YBX3: variants seen among roughly 807,000 people sequenced by gnomAD.
The protein encoded by YBX3 is Y-box binding protein 3, also known as Y-box-binding protein 3.
In YBX3, 29 loss-of-function variants were observed where a neutral mutation model predicts 42.4. That is an observed-to-expected ratio of 0.68 (90% CI 0.51 to 0.93). The LOEUF (loss-of-function observed/expected upper bound fraction) is 0.93. Ranked by LOEUF, YBX3 falls within the 40% of genes least tolerant of loss-of-function variation. The pLI is 0.00. For missense variants in YBX3, 517 were observed against 527.5 expected (o/e 0.98, Z 0.19); for synonymous variants, 195 against 189.8 (o/e 1.03, Z -0.22).
rs746227231 is a variant in YBX3, at chr12:10,719,115, C to A, written c.291G>T (p.Trp97Cys). The change falls in exon 2 of 10, where the codon TGG (tryptophan) becomes TGT (cysteine). Residue 97 changes from tryptophan (W) to cysteine (C), a missense_variant. Around this residue, in one of 3 missense-constraint regions of YBX3, gnomAD observed 420 missense variants for 408.5 expected, o/e 1.03. Coordinates refer to ENST00000228251, the MANE Select transcript of YBX3 (RefSeq NM_003651.5). ...LATKVLGTVK[W>C]FNVRNGYGFI... is the part of the protein sequence containing the mutation. ...ATCCATATCCATTTCTGACGTTGAACCATTTGACAGTGCCAAGGACTTTGG... is the reference window on the plus strand; with the variant it reads ...ATCCATATCCATTTCTGACGTTGAAACATTTGACAGTGCCAAGGACTTTGG... 6.2e-7 allele frequency: 1 copy of A among 1,613,594 alleles called. No individual in the cohort carries two copies. The highest frequency in any genetic ancestry group is 8.5e-7 in the Non-Finnish European group (1 of 1,179,758).
chr12:10,710,502 C>CA (rs1948188525), intron 5 of YBX3: 4 of 1,185,782 alleles, frequency 3.4e-6, no homozygotes, highest in East Asian at 1.2e-4. Context: ...AGGGAAAAGC[C>CA]AAAAAAGAAT....
chr12:10,707,360 T>G (rs558919598), intron 6 of YBX3, among the ~76,000 whole-genome samples: 8 of 152,184 alleles, frequency 5.3e-5, no homozygotes, highest in Non-Finnish European at 1.2e-4. Context: ...TCTTCAGTAT[T>G]CCCGTATTTG....
At chr12:10,719,030 C>T (rs372618236) in intron 2 of YBX3, 50 bp downstream of exon 2, 1 of 1,557,830 alleles carries the variant, frequency 6.4e-7, no homozygotes, top group South Asian at 1.1e-5. Flanking sequence ...ACTCCTGGTG[C>T]CACAATGTAA....
Position 10,723,067 on chromosome 12 carries a change from G to T in YBX3, c.45C>A (p.Leu15=). 8.3e-7 allele frequency: 1 copy of T among 1,209,246 alleles called. No individual in the cohort carries two copies. 74.9% of individuals were successfully genotyped at this position (1,209,246 alleles called of 1,614,324 possible). ...CGGCCGCCTCCGTCGGAGCCTGCGG[G>T]AGGGTGGTGGTGGTGGTGGTGGTGG... ...GEATTTTTTT[L]PQAPTEAAAA... The change falls in exon 1 of 10, where the codon CTC becomes CTA. Residue 15 remains leucine, a synonymous_variant. Transcript: ENST00000228251.
chr12:10,711,035 TTA>T (rs1948194366), intron 5 of YBX3: 1 of 153,142 alleles, frequency 6.5e-6, no homozygotes, highest in South Asian at 2.1e-4. Flanking sequence ...ATGACTCCCT[TTA>T]TATGTTTAGG....
intron 5 of YBX3, chr12:10,711,999 A>C (rs558121328): frequency 6.6e-6 from 1 of 152,222 alleles, no homozygotes; most frequent in Non-Finnish European, 1.5e-5. Flanking sequence ...CTCATAGCTT[A>C]TTAAAAACCA....
intron 6 of YBX3, 26 bp from the exon 7 acceptor site, chr12:10,704,174 T>C: frequency 6.3e-7 from 1 of 1,595,228 alleles, no homozygotes; most frequent in South Asian, 1.1e-5. Context: ...GAGCTGACAG[T>C]GAGTGTCACA....
intron 3 of YBX3, among the ~76,000 whole-genome samples, chr12:10,717,063 A>G (rs184258852): frequency 6.6e-6 from 1 of 152,314 alleles, no homozygotes; most frequent in East Asian, 1.9e-4. Flanking sequence ...CACTATTATG[A>G]CCCTAAAAGT....
intron 7 of YBX3, chr12:10,702,971 G>A (rs557786924): frequency 1.3e-5 from 2 of 152,154 alleles, no homozygotes; most frequent in Non-Finnish European, 2.9e-5. Context: ...GCTTTTATAG[G>A]TTAAAAAAGG....
In YBX3 at chr12:10,723,252, G is replaced by GGGGTCGCGCGGCGGAGGC. The variant is rs1447674085; in HGVS notation, c.-159_-142dup. ...CGGCGCAGGCGGCGGCGGCCGAGGT[G>GGGGTCGCGCGGCGGAGGC]GGGTCGCGCGGCGGAGGCGGCTCGA... is the stretch of plus-strand genomic sequence containing the variant. On this transcript the variant is annotated 5_prime_UTR_variant, in exon 1 of 10. Coordinates refer to ENST00000228251, the MANE Select transcript of YBX3 (RefSeq NM_003651.5). 1 of 1,158,006 alleles carries GGGGTCGCGCGGCGGAGGC rather than the reference G, an allele frequency of 8.6e-7. No homozygotes were observed. The highest frequency in any genetic ancestry group is 1.1e-6 in the Non-Finnish European group (1 of 937,988). 71.7% of individuals were successfully genotyped at this position (1,158,006 alleles called of 1,614,324 possible).
intron 4 of YBX3, among the ~76,000 whole-genome samples, chr12:10,714,775 TA>T (rs200402412): frequency 1.7e-4 from 25 of 150,610 alleles, no homozygotes; most frequent in Admixed American, 3.3e-4. Context: ...TTTTTTTTTT[TA>T]AAAAACGGAA....
chr12:10,716,872 C>T (rs1948268902), intron 3 of YBX3, among the ~76,000 whole-genome samples: 1 of 152,116 alleles, frequency 6.6e-6, no homozygotes, highest in Non-Finnish European at 1.5e-5. Flanking sequence ...ACTGGGCAAG[C>T]CTCAACACAT....
chr12:10,704,277 C>T, intron 6 of YBX3, 129 bp from the exon 7 acceptor site: 1 of 636,282 alleles, frequency 1.6e-6, no homozygotes, highest in African/African-American at 1.8e-5. Context: ...TAGGCACTCT[C>T]AGTTGCAACA....
chr12:10,722,045 A>G (rs146983743), intron 1 of YBX3: 1 of 152,380 alleles, frequency 6.6e-6, no homozygotes, highest in African/African-American at 2.4e-5. Context: ...CAAGGTAACA[A>G]TGTTTTGAAC....
At chr12:10,706,880 G>A (rs966272847) in intron 6 of YBX3, among the ~76,000 whole-genome samples, 1 of 152,106 alleles carries the variant, frequency 6.6e-6, no homozygotes, top group African/African-American at 2.4e-5. Context: ...AGCCAGGCGT[G>A]GTGGCGGGTG....
intron 5 of YBX3, chr12:10,710,350 A>G (rs569071633): frequency 8.3e-4 from 1,180 of 1,417,632 alleles, no homozygotes; most frequent in Non-Finnish European, 1.0e-3. Flanking sequence ...AGCAAGAGCA[A>G]TCAATCTACA....
intron 2 of YBX3, 188 bp from the exon 3 acceptor site, chr12:10,718,309 T>C: frequency 2.0e-6 from 1 of 501,942 alleles, no homozygotes; most frequent in Non-Finnish European, 3.5e-6. Context: ...CCACCCACCT[T>C]CCTCCTCCAC....
intron 6 of YBX3, among the ~76,000 whole-genome samples, chr12:10,706,554 T>C (rs2120920788): frequency 6.6e-6 from 1 of 152,354 alleles, no homozygotes; most frequent in South Asian, 2.1e-4. Flanking sequence ...TTTCTTGAAA[T>C]ACATTCTCCT....
At chr12:10,711,113 CT>C (rs1441965397) in intron 5 of YBX3, 1 of 151,886 alleles carries the variant, frequency 6.6e-6, no homozygotes, top group Non-Finnish European at 1.5e-5. Context: ...AATAATAGAT[CT>C]TATTAATATT....
Sources: allele counts gnomAD v4.1 joint callset (sites outside exome capture counted in the v4.1 genomes callset), GRCh38; gene constraint gnomAD v4.1.1; regional missense constraint gnomAD v4.1.1; transcripts MANE v1.5; gene names NCBI Gene and HGNC (gene_info 2026-07-23, HGNC 2026-07-21).